Variants in FER1L6 observed in about 807,000 individuals in gnomAD.
FER1L6 encodes the protein fer-1 like family member 6, also known as fer-1-like protein 6.
FER1L6 carries 177 observed loss-of-function variants against 219.2 expected under a neutral mutation model. The ratio of observed to expected loss-of-function variants is 0.81; its 90% CI spans 0.71 to 0.91. FER1L6 has a LOEUF of 0.91. Among genes scored for constraint, FER1L6 ranks in the 40% least tolerant of loss-of-function variants. The probability of loss-of-function intolerance (pLI) is 0.00; values close to 1 mark genes in which losing one functional copy is unlikely to be tolerated. For missense variants in FER1L6, 2,153 were observed against 2,259.9 expected, an observed-to-expected ratio of 0.95 and a Z score of 0.96; for synonymous variants, 768 against 824.3, an observed-to-expected ratio of 0.93 and a Z score of 1.17.
At chr8:123,862,407 C>A (rs1367849103) in intron 1 of FER1L6, among the ~76,000 whole-genome samples, 1 of 138,008 alleles carries the variant, frequency 7.2e-6, no homozygotes, top group Admixed American at 7.2e-5. Context: ...ATTTTTGCAT[C>A]AATGTTCATC....
intron 18 of FER1L6, among the ~76,000 whole-genome samples, chr8:124,032,002 C>T (rs1818988703): frequency 1.3e-5 from 2 of 152,194 alleles, no homozygotes; most frequent in South Asian, 4.1e-4. Flanking sequence ...CAGCAACAGT[C>T]TTTGTGGAAC....
intron 1 of FER1L6, among the ~76,000 whole-genome samples, chr8:123,921,580 G>A (rs1023518228): frequency 9.5e-5 from 14 of 146,818 alleles, no homozygotes; most frequent in Admixed American, 4.8e-4. Context: ...TTGCTGTGTT[G>A]CCCAGGATGG....
chr8:124,041,241 A>G (rs1041247574), intron 20 of FER1L6, among the ~76,000 whole-genome samples: 3 of 152,192 alleles, frequency 2.0e-5, no homozygotes. Flanking sequence ...AAGTAACACA[A>G]CTCACTAAAC....
In FER1L6 at chr8:123,904,262, G is replaced by C. The variant is rs1301961014; in HGVS notation, c.-7-51730G>C. On this transcript the variant is annotated intron_variant, in intron 1 of 40. Coordinates refer to ENST00000522917, the MANE Select transcript of FER1L6 (RefSeq NM_001039112.2). ...TGTGTGTGTGTGTGTGTGTGTGTGT[G>C]TGTGTGATGTGTGGGGCTAAGCACC... 7.4e-5 allele frequency among the ~76,000 whole-genome samples: 11 copies of C among 148,986 alleles called. No homozygotes were observed. The East Asian group carries it at 2.0e-3, about 27-fold the overall frequency.
At chr8:123,877,478 T>C (rs1356166790) in intron 1 of FER1L6, among the ~76,000 whole-genome samples, 1 of 152,132 alleles carries the variant, frequency 6.6e-6, no homozygotes, top group Non-Finnish European at 1.5e-5. Flanking sequence ...TTTGGGAGCC[T>C]GCAGCTGGCA....
intron 17 of FER1L6, among the ~76,000 whole-genome samples, chr8:124,022,249 C>T (rs1364694131): frequency 1.3e-5 from 2 of 152,156 alleles, no homozygotes; most frequent in East Asian, 1.9e-4. Context: ...GCATATTACT[C>T]GGTGAGACAG....
chr8:124,076,718 T>A, intron 32 of FER1L6, among the ~76,000 whole-genome samples: 1 of 152,200 alleles, frequency 6.6e-6, no homozygotes, highest in Non-Finnish European at 1.5e-5. Flanking sequence ...GAGCAGAGAT[T>A]TCCTTTTTAT....
chr8:123,853,235 G>A lies in FER1L6; in HGVS notation c.-8+1050G>A, dbSNP rs189239917. Among the ~76,000 whole-genome samples the A allele has an allele frequency of 3.9e-3, 589 of 152,228 alleles. 6 individuals are homozygous for A. Among genetic ancestry groups the A allele is most frequent in the African/African-American group, 0.014 (568 of 41,550 alleles). On this transcript the variant is annotated intron_variant, in intron 1 of 40. Transcript: ENST00000522917. This position sits in a 1 kb window ranked among gnomAD's most constrained non-coding sequence, Gnocchi z 6.6. ...AGTGGTACAATCTTGGCTCACTGCA[G>A]CCGCCACCTCCCAGGTTCAAGTGAG... is the stretch of plus-strand genomic sequence containing the variant.
At chr8:124,047,813 G>C (rs993842406) in intron 21 of FER1L6, 30 of 152,156 alleles carry the variant, frequency 2.0e-4, no homozygotes, top group African/African-American at 6.5e-4. Context: ...AGCTAAACAG[G>C]GCCCAAAATA....
intron 39 of FER1L6, among the ~76,000 whole-genome samples, chr8:124,106,346 A>C (rs1278353571): frequency 1.3e-5 from 2 of 149,800 alleles, no homozygotes; most frequent in Non-Finnish European, 1.5e-5. Flanking sequence ...AAAAAAAAAA[A>C]AAAAAAAAAA....
At chr8:123,922,697 A>T (rs1355747391) in intron 1 of FER1L6, among the ~76,000 whole-genome samples, 1 of 152,056 alleles carries the variant, frequency 6.6e-6, no homozygotes, top group Non-Finnish European at 1.5e-5. Flanking sequence ...ATGTTTCTGG[A>T]CTCTTAAGGT....
chr8:124,095,093 A>G, intron 35 of FER1L6, 55 bp downstream of exon 35: 1 of 1,597,348 alleles, frequency 6.3e-7, no homozygotes, highest in Non-Finnish European at 8.5e-7. Context: ...CTGTAGAGTA[A>G]TGGTTTTCAT....
intron 1 of FER1L6, among the ~76,000 whole-genome samples, chr8:123,882,303 A>G (rs1817123796): frequency 6.6e-6 from 1 of 152,148 alleles, no homozygotes; most frequent in South Asian, 2.1e-4. Flanking sequence ...AACCTACATG[A>G]AGCACCTCAG....
intron 18 of FER1L6, among the ~76,000 whole-genome samples, chr8:124,027,164 G>T (rs1443160141): frequency 6.6e-6 from 1 of 152,112 alleles, no homozygotes; most frequent in Non-Finnish European, 1.5e-5. Context: ...AATTATATCT[G>T]CATTGACCCT....
intron 15 of FER1L6, chr8:124,013,746 A>G: frequency 2.9e-6 from 1 of 345,030 alleles, no homozygotes; most frequent in Non-Finnish European, 5.3e-6. Flanking sequence ...AGGTAGGAAA[A>G]AGCAAAGGAA....
At chr8:124,115,813 C>G (rs1463402359) in intron 39 of FER1L6, among the ~76,000 whole-genome samples, 3 of 152,168 alleles carry the variant, frequency 2.0e-5, no homozygotes, top group Non-Finnish European at 4.4e-5. Flanking sequence ...CAAGATCACA[C>G]AGCTAGTAAA....
Position 124,039,932 on chromosome 8 carries a change from A to G in FER1L6, c.2515A>G (p.Ile839Val). The G allele has an allele frequency of 6.2e-7, 1 of 1,614,158 alleles. No individual in the cohort carries two copies. Among genetic ancestry groups the G allele is most frequent in the Non-Finnish European group, 8.5e-7 (1 of 1,180,010 alleles). The part of the protein sequence containing the change: ...RAHMYQARGL[I>V]AADSNGLSDP... The stretch of plus-strand genomic sequence containing the variant: ...TCACATGTACCAAGCCCGGGGCCTC[A>G]TCGCAGCTGACAGCAATGGACTTTC... Residue 839 changes from isoleucine (I) to valine (V), a missense_variant, in exon 20 of 41, where the codon ATC becomes GTC. Transcript: ENST00000522917.
In FER1L6 at chr8:123,986,130, T is replaced by A. The variant is rs1563726173; in HGVS notation, c.1473T>A (p.Ile491=). Residue 491 remains isoleucine, a synonymous_variant, in exon 12 of 41, where the codon ATT becomes ATA. Coordinates refer to ENST00000522917, the MANE Select transcript of FER1L6 (RefSeq NM_001039112.2). The part of the protein sequence containing the change: ...LFGAFFEATM[I]DRKIGDKPIS... ...GAGCATTTTTTGAAGCTACCATGAT[T>A]GACCGGAAGATTGGAGATAAACCCA... 6.2e-7 allele frequency: 1 copy of A among 1,613,832 alleles called. No individual in the cohort carries two copies. Among genetic ancestry groups the A allele is most frequent in the South Asian group, 1.1e-5 (1 of 91,064 alleles).
chr8:123,987,956 G>A (rs1816674997), intron 12 of FER1L6, among the ~76,000 whole-genome samples: 1 of 152,106 alleles, frequency 6.6e-6, no homozygotes, highest in Admixed American at 6.5e-5. Flanking sequence ...AAATTAGCCG[G>A]GCATGGTGGT....
Sources: gnomAD v4.1 joint callset for allele counts (sites outside exome capture counted in the v4.1 genomes callset) on GRCh38, gnomAD v4.1.1 for gene constraint, Gnocchi (gnomAD v3.1) non-coding constraint, MANE v1.5 for transcripts, NCBI Gene and HGNC (gene_info 2026-07-23, HGNC 2026-07-21) for gene names.